The following IFNG-AS1 variants were observed in gnomAD, a reference collection of about 807,000 sequenced individuals.
The protein encoded by IFNG-AS1 is IFNG regulatory antisense RNA 1.
At chr12:68,018,975 A>G (rs1727649569) in intron 3 of IFNG-AS1, among the ~76,000 whole-genome samples, 2 of 151,934 alleles carry the variant, frequency 1.3e-5, no homozygotes, top group Admixed American at 6.6e-5. Context: ...ACTCTCTCAT[A>G]CTAATTCTTG....
exon 1 of IFNG-AS1, chr12:67,989,559 C>T (rs1217881826): frequency 6.6e-6 from 1 of 152,166 alleles, no homozygotes; most frequent in Admixed American, 6.5e-5. Flanking sequence ...GAAAAAGATA[C>T]AACGAACTAG....
At chr12:68,014,075 A>G (rs1162257547) in intron 3 of IFNG-AS1, among the ~76,000 whole-genome samples, 1 of 152,198 alleles carries the variant, frequency 6.6e-6, no homozygotes. Flanking sequence ...CTCACTTAGA[A>G]TAATAGTCTC....
At chr12:67,999,886 G>T (rs1879728259) in intron 2 of IFNG-AS1, among the ~76,000 whole-genome samples, 1 of 152,130 alleles carries the variant, frequency 6.6e-6, no homozygotes, top group African/African-American at 2.4e-5. Flanking sequence ...ACCAAGTGTT[G>T]AAGGCTAACA....
At chr12:68,009,562 C>T (rs980592044) in intron 3 of IFNG-AS1, among the ~76,000 whole-genome samples, 3 of 152,088 alleles carry the variant, frequency 2.0e-5, no homozygotes, top group South Asian at 2.1e-4. Flanking sequence ...AGGGTGGTCT[C>T]GATCTCTTGG....
At chr12:68,010,079 A>ACTT (rs1879992591) in intron 3 of IFNG-AS1, among the ~76,000 whole-genome samples, 1 of 152,220 alleles carries the variant, frequency 6.6e-6, no homozygotes, top group African/African-American at 2.4e-5. Context: ...ACTACACCCA[A>ACTT]GGGACTCCAT....
intron 3 of IFNG-AS1, among the ~76,000 whole-genome samples, chr12:68,008,501 A>C (rs1423199142): frequency 6.6e-6 from 1 of 152,186 alleles, no homozygotes; most frequent in Non-Finnish European, 1.5e-5. Context: ...CAGGAAACTG[A>C]ATTTTTAAAA....
At chr12:67,997,583 G>A (rs1237596051) in intron 2 of IFNG-AS1, among the ~76,000 whole-genome samples, 1 of 151,022 alleles carries the variant, frequency 6.6e-6, no homozygotes, top group African/African-American at 2.4e-5. Flanking sequence ...TTTAACGTTG[G>A]TATAGGGAAA....
intron 1 of IFNG-AS1, among the ~76,000 whole-genome samples, chr12:67,993,409 C>G (rs1295493832): frequency 6.6e-6 from 1 of 152,110 alleles, no homozygotes; most frequent in Non-Finnish European, 1.5e-5. Context: ...TATAAAAGGT[C>G]ATTGAGGAAT....
At chr12:68,005,736 G>A (rs1879891625) in intron 2 of IFNG-AS1, among the ~76,000 whole-genome samples, 1 of 152,076 alleles carries the variant, frequency 6.6e-6, no homozygotes, top group African/African-American at 2.4e-5. Context: ...TAAGCAATAT[G>A]CTAAATAAAT....
chr12:68,018,703 A>G (rs1880212027), intron 3 of IFNG-AS1, among the ~76,000 whole-genome samples: 1 of 152,078 alleles, frequency 6.6e-6, no homozygotes, highest in Non-Finnish European at 1.5e-5. Context: ...GAGTGGCTGT[A>G]TGTGCTGTAT....
At chr12:68,018,893 A>T (rs1880219474) in intron 3 of IFNG-AS1, among the ~76,000 whole-genome samples, 1 of 152,084 alleles carries the variant, frequency 6.6e-6, no homozygotes, top group Admixed American at 6.6e-5. Context: ...AAGCACAGTG[A>T]CCTATCCCAG....
At chr12:68,020,262 A>G (rs954104343) in intron 4 of IFNG-AS1, 2 of 152,174 alleles carry the variant, frequency 1.3e-5, no homozygotes, top group Admixed American at 6.5e-5. Flanking sequence ...CACATGTCAC[A>G]TGCCGTAGGC....
At chr12:68,019,558 A>G (rs1483660012) in intron 3 of IFNG-AS1, among the ~76,000 whole-genome samples, 1 of 152,162 alleles carries the variant, frequency 6.6e-6, no homozygotes, top group Admixed American at 6.6e-5. Context: ...GATGAGGCCA[A>G]CCTTGGTGAG....
chr12:68,015,786 T>G (rs1880138267), intron 3 of IFNG-AS1, among the ~76,000 whole-genome samples: 2 of 152,128 alleles, frequency 1.3e-5, no homozygotes, highest in Non-Finnish European at 2.9e-5. Flanking sequence ...AAGTTTGAAA[T>G]TCAATTCAAC....
chr12:67,998,610 A>G (rs1447579215), intron 2 of IFNG-AS1, among the ~76,000 whole-genome samples: 2 of 152,008 alleles, frequency 1.3e-5, no homozygotes, highest in Admixed American at 6.6e-5. Flanking sequence ...TTTAGAAACC[A>G]TGGTAATGTT....
At chr12:67,992,175 T>G (rs1389583100) in intron 1 of IFNG-AS1, among the ~76,000 whole-genome samples, 2 of 152,222 alleles carry the variant, frequency 1.3e-5, no homozygotes, top group Non-Finnish European at 2.9e-5. Flanking sequence ...TGAGTATTGT[T>G]TTGTGTCCCT....
chr12:67,999,374 G>A (rs1358637891), intron 2 of IFNG-AS1, among the ~76,000 whole-genome samples: 1 of 152,148 alleles, frequency 6.6e-6, no homozygotes, highest in Non-Finnish European at 1.5e-5. Context: ...AAGAAACCAA[G>A]GATCCTTGAG....
At chr12:68,003,905 CAAAA>C (rs60693550) in intron 2 of IFNG-AS1, among the ~76,000 whole-genome samples, 4 of 97,788 alleles carry the variant, frequency 4.1e-5, no homozygotes, top group African/African-American at 3.8e-5. Context: ...ACTCCGTCTC[CAAAA>C]AAAAAAAAAA....
At chr12:68,009,993 C>T (rs943980789) in intron 3 of IFNG-AS1, among the ~76,000 whole-genome samples, 7 of 152,170 alleles carry the variant, frequency 4.6e-5, no homozygotes, top group African/African-American at 1.7e-4. Context: ...CTGATATTTA[C>T]AATAATCTGA....
Sources: allele counts gnomAD v4.1 joint callset (sites outside exome capture counted in the v4.1 genomes callset), GRCh38; gene constraint gnomAD v4.1.1; transcripts MANE v1.5; gene names NCBI Gene and HGNC (gene_info 2026-07-23, HGNC 2026-07-21).